Variants in MBD2 observed in about 807,000 individuals in gnomAD.
MBD2 encodes methyl-CpG binding domain protein 2.
In MBD2, 9 loss-of-function variants were observed where a neutral mutation model predicts 39.3. The ratio of observed to expected loss-of-function variants is 0.23; its 90% CI spans 0.14 to 0.40. The LOEUF (loss-of-function observed/expected upper bound fraction) is 0.40. MBD2 is among the 10% of genes least tolerant of loss of function. The pLI, the probability that MBD2 is intolerant of heterozygous loss-of-function variation, is 1.00. For missense variants in MBD2, 458 were observed against 532.6 expected, an observed-to-expected ratio of 0.86 and a Z score of 1.38; for synonymous variants, 233 against 211.1, an observed-to-expected ratio of 1.10 and a Z score of -0.90.
At chr18:54,220,070 G>A (rs1375319814) in intron 1 of MBD2, among the ~76,000 whole-genome samples, 1 of 152,120 alleles carries the variant, frequency 6.6e-6, no homozygotes, top group African/African-American at 2.4e-5. Flanking sequence ...CAAAGTGCTG[G>A]GATTACAGGC....
rs755147574 is a variant in MBD2 at position 54,159,767 on chromosome 18, G to C, written c.*10C>G. 3.1e-6 allele frequency: 5 copies of C among 1,607,816 alleles called. 1 individual carries two copies. The South Asian group carries it at 5.5e-5, about 18-fold the overall frequency. On this transcript the variant is annotated splice_region_variant and 3_prime_UTR_variant, in exon 6 of 7. Coordinates refer to ENST00000256429, the MANE Select transcript of MBD2 (RefSeq NM_003927.5). ...CACTCTCTCTGGTGTCAGTTTACCT[G>C]ATCATATTCTTAGGCTTCATCTCCA...
chr18:54,211,550 C>T (rs1234007635), intron 1 of MBD2, among the ~76,000 whole-genome samples: 1 of 152,084 alleles, frequency 6.6e-6, no homozygotes, highest in Non-Finnish European at 1.5e-5. Context: ...CAGCTTGTCC[C>T]TGATAGATTT....
chr18:54,218,360 G>C (rs1166743802), intron 1 of MBD2, among the ~76,000 whole-genome samples: 1 of 152,130 alleles, frequency 6.6e-6, no homozygotes, highest in Non-Finnish European at 1.5e-5. Context: ...CTACCAAATA[G>C]GATTTAAAAT....
intron 1 of MBD2, chr18:54,222,483 T>C (rs558924201): frequency 5.3e-6 from 2 of 377,790 alleles, no homozygotes; most frequent in East Asian, 7.4e-5. Context: ...TCACACTTTT[T>C]CTTTTTTTTC....
intron 1 of MBD2, among the ~76,000 whole-genome samples, chr18:54,217,803 T>C (rs2144352316): frequency 6.6e-6 from 1 of 152,372 alleles, no homozygotes; most frequent in Middle Eastern, 3.4e-3. Context: ...AGCTATGTAT[T>C]TCCTCTAATA....
rs1286784614 is a variant in MBD2, at chr18:54,152,223, G to A, written c.*3101C>T. 6.6e-6 allele frequency: 1 copy of A among 152,286 alleles called. No individual in the cohort carries two copies. Among genetic ancestry groups the A allele is most frequent in the Non-Finnish European group, 1.5e-5 (1 of 68,104 alleles). The allele number at this position is 152,286 out of a possible 1,614,324, so 9.4% of individuals were successfully genotyped here. A position where few individuals can be genotyped will look rare whatever the true frequency, so the allele number is the denominator to read the frequency against. On this transcript the variant is annotated 3_prime_UTR_variant, in exon 7 of 7. Coordinates refer to ENST00000256429, the MANE Select transcript of MBD2 (RefSeq NM_003927.5). Reference sequence around the variant, plus strand: ...GCCATTGAGCTGAGACTTCATCAATGATTAGGAATTCACCATGTAGACGGG... The same window carrying A: ...GCCATTGAGCTGAGACTTCATCAATAATTAGGAATTCACCATGTAGACGGG...
intron 1 of MBD2, among the ~76,000 whole-genome samples, chr18:54,220,804 A>G (rs780513701): frequency 6.6e-6 from 1 of 152,264 alleles, no homozygotes; most frequent in Non-Finnish European, 1.5e-5. Flanking sequence ...CATCACAGAA[A>G]GCTACAGTCA....
chr18:54,179,893 A>G (rs1395260186), intron 3 of MBD2, among the ~76,000 whole-genome samples: 1 of 124,578 alleles, frequency 8.0e-6, no homozygotes, highest in East Asian at 2.9e-4. Context: ...AAATAGAAAA[A>G]GGACAAAAAA....
intron 1 of MBD2, among the ~76,000 whole-genome samples, chr18:54,214,628 GGC>G (rs1301111217): frequency 1.3e-5 from 2 of 152,068 alleles, no homozygotes; most frequent in African/African-American, 2.4e-5. Flanking sequence ...TATTTCTGTT[GGC>G]TAATTAAACG....
intron 5 of MBD2, 76 bp from the exon 6 acceptor site, chr18:54,159,979 C>A: frequency 6.8e-7 from 1 of 1,475,508 alleles, no homozygotes; most frequent in Non-Finnish European, 9.2e-7. Flanking sequence ...AGAAGTTCAT[C>A]CTTACTTCAA....
chr18:54,156,455 T>C (rs1474775050), intron 6 of MBD2, among the ~76,000 whole-genome samples: 1 of 152,196 alleles, frequency 6.6e-6, no homozygotes, highest in Non-Finnish European at 1.5e-5. Context: ...CAATGAGAAG[T>C]TGCCAACTTC....
chr18:54,215,049 T>TA (rs568199717), intron 1 of MBD2, among the ~76,000 whole-genome samples: 317 of 152,200 alleles, frequency 2.1e-3, no homozygotes, highest in Middle Eastern at 6.8e-3. Context: ...CTCCACAAGG[T>TA]AGAATTCTTA....
chr18:54,166,444 A>G (rs1464255173), intron 3 of MBD2, among the ~76,000 whole-genome samples: 1 of 152,178 alleles, frequency 6.6e-6, no homozygotes, highest in Non-Finnish European at 1.5e-5. Context: ...ATAGTTTCTT[A>G]TAAGGTATCT....
chr18:54,224,524 C>T lies in MBD2; in HGVS notation c.36G>A (p.Pro12=). 1.6e-6 allele frequency: 2 copies of T among 1,232,368 alleles called. No individual in the cohort carries two copies. Among genetic ancestry groups the T allele is most frequent in the East Asian group, 3.2e-5 (1 of 31,554 alleles). The allele number at this position is 1,232,368 out of a possible 1,614,324, so 76.3% of individuals were successfully genotyped here. Residue 12 remains proline, a synonymous_variant, in exon 1 of 7, where the codon CCG becomes CCA. Transcript: ENST00000256429. ...CCGCACTCTCCCCCTCCTCCTGCTC[C>T]GGGCAGCAGCGGCCTCCCCCCGGGT... ...RAHPGGGRCC[P]EQEEGESAAG...
chr18:54,212,665 A>C (rs1490829840), intron 1 of MBD2, among the ~76,000 whole-genome samples: 1 of 151,958 alleles, frequency 6.6e-6, no homozygotes, highest in Non-Finnish European at 1.5e-5. Flanking sequence ...TGCTAGCTGA[A>C]GATTTCCCCC....
chr18:54,165,206 T>G lies in MBD2; in HGVS notation c.932-506A>C, dbSNP rs372817512. Among the ~76,000 whole-genome samples, 5 of 152,330 alleles carry G rather than the reference T, an allele frequency of 3.3e-5. 1 individual carries two copies. Among genetic ancestry groups the G allele is most frequent in the African/African-American group, 9.6e-5 (4 of 41,578 alleles). ...AACAATTATCTTCTTTGTCTCAGGA[T>G]TCAAAGAAAAAGCCAATGCAAGCAA... On this transcript the variant is annotated intron_variant, in intron 4 of 6. Coordinates refer to ENST00000256429, the MANE Select transcript of MBD2 (RefSeq NM_003927.5).
intron 1 of MBD2, 77 bp downstream of exon 1, chr18:54,223,941 A>G: frequency 7.9e-7 from 1 of 1,268,726 alleles, no homozygotes; most frequent in Admixed American, 2.3e-5. Context: ...CCCAGCGCTC[A>G]TCCTCTGCCC....
At chr18:54,212,646 C>T (rs16957953) in intron 1 of MBD2, among the ~76,000 whole-genome samples, 33,402 of 151,180 alleles carry the variant, frequency 0.22, 4,322 homozygotes, top group East Asian at 0.4. Context: ...TTTGTTTAAA[C>T]ATTAAGTATG....
At position 54,208,309 on chromosome 18, in the gene MBD2, A is replaced by G. The variant is rs144799017; in HGVS notation, c.543-3152T>C. On this transcript the variant is annotated intron_variant, in intron 1 of 6. Transcript: ENST00000256429. ...GGAGTTTGCGACCAGCCTGACCAAC[A>G]TGGAGAAAACCCATCTCTACTAAAA... is the stretch of plus-strand genomic sequence containing the variant. 6.2e-3 allele frequency among the ~76,000 whole-genome samples: 946 copies of G among 152,272 alleles called. 7 individuals carry two copies. Among genetic ancestry groups the G allele is most frequent in the Non-Finnish European group, 0.011 (733 of 68,012 alleles).
Sources: allele counts gnomAD v4.1 joint callset (sites outside exome capture counted in the v4.1 genomes callset), GRCh38; gene constraint gnomAD v4.1.1; transcripts MANE v1.5; gene names NCBI Gene and HGNC (gene_info 2026-07-23, HGNC 2026-07-21).